The following MINDY3 variants were observed in gnomAD, a reference collection of about 807,000 sequenced individuals.
MINDY3 encodes the protein MINDY lysine 48 deubiquitinase 3, also known as ubiquitin carboxyl-terminal hydrolase MINDY-3.
A neutral mutation model predicts 69.2 loss-of-function variants in MINDY3; 38 were observed. The ratio of observed to expected loss-of-function variants is 0.55; its 90% CI spans 0.42 to 0.72. The LOEUF (loss-of-function observed/expected upper bound fraction) is 0.72. Among genes scored for constraint, MINDY3 ranks in the 30% least tolerant of loss-of-function variants. The probability of loss-of-function intolerance (pLI) is 0.00; values close to 1 mark genes in which losing one functional copy is unlikely to be tolerated. For synonymous variants in MINDY3, 192 were observed against 180.1 expected (o/e 1.07, Z -0.53); for missense variants, 522 against 519.0 (o/e 1.01, Z -0.06).
chr10:15,794,755 G>C (rs1453001501), intron 11 of MINDY3, among the ~76,000 whole-genome samples: 1 of 152,020 alleles, frequency 6.6e-6, no homozygotes, highest in Admixed American at 6.6e-5. Flanking sequence ...TACCTCATTA[G>C]TGATTACTAA....
chr10:15,838,688 G>C (rs1173966285), intron 4 of MINDY3, among the ~76,000 whole-genome samples: 1 of 151,530 alleles, frequency 6.6e-6, no homozygotes, highest in African/African-American at 2.4e-5. Context: ...TAGGTTTAAG[G>C]CTTAATTATT....
At position 15,796,157 on chromosome 10, in the gene MINDY3, C is replaced by T. The variant is rs750151830; in HGVS notation, c.898G>A (p.Ala300Thr). 1.9e-6 allele frequency: 3 copies of T among 1,612,386 alleles called. No individual in the cohort carries two copies. The highest frequency in any genetic ancestry group is 2.7e-5 in the African/African-American group (2 of 74,908). ...VFFAKDMALV[A>T]PEAPSEQARR... ...GCTTGTTCTGAAGGAGCTTCAGGGG[C>T]AACTAAAGCCATATCCTGAAAAGAT... The change falls in exon 11 of 15, where the codon GCC becomes ACC. Residue 300 changes from alanine to threonine, a missense_variant. Coordinates refer to ENST00000277632, the MANE Select transcript of MINDY3 (RefSeq NM_024948.4).
chr10:15,814,796 A>T (rs750495269), intron 10 of MINDY3, among the ~76,000 whole-genome samples: 9 of 152,096 alleles, frequency 5.9e-5, no homozygotes, highest in Non-Finnish European at 1.3e-4. Context: ...CAAAAGTATC[A>T]GGACAGGTAG....
intron 10 of MINDY3, among the ~76,000 whole-genome samples, chr10:15,802,727 C>A (rs1183347640): frequency 1.3e-5 from 2 of 152,030 alleles, no homozygotes; most frequent in Non-Finnish European, 2.9e-5. Flanking sequence ...AACATACAAC[C>A]CAGTGATACT....
Position 15,796,125 on chromosome 10 carries a change from T to A in MINDY3, c.930A>T (p.Arg310Ser), listed in dbSNP as rs1228634709. 6.2e-7 allele frequency: 1 copy of A among 1,612,814 alleles called. No individual in the cohort carries two copies. Among genetic ancestry groups the A allele is most frequent in the Non-Finnish European group, 8.5e-7 (1 of 1,179,112 alleles). ...CTTCTGGGTCGTAGGTTTGAAAAAC[T>A]CTTCTGGCTTGTTCTGAAGGAGCTT... is the stretch of plus-strand genomic sequence containing the variant. ...APEAPSEQAR[R>S]VFQTYDPEDN... is the part of the protein sequence containing the mutation. The change falls in exon 11 of 15, where the codon AGA becomes AGT. Residue 310 changes from arginine to serine, a missense_variant. By Grantham distance (110) the Arg-to-Ser change is moderately radical (BLOSUM62 -1). Transcript: ENST00000277632.
chr10:15,807,034 C>A (rs1337643178), intron 10 of MINDY3, among the ~76,000 whole-genome samples: 1 of 152,076 alleles, frequency 6.6e-6, no homozygotes, highest in African/African-American at 2.4e-5. Flanking sequence ...TAGTATCTAA[C>A]TTTGGAGATG....
intron 8 of MINDY3, among the ~76,000 whole-genome samples, chr10:15,825,441 C>T (rs1056762134): frequency 6.6e-6 from 1 of 152,142 alleles, no homozygotes; most frequent in Non-Finnish European, 1.5e-5. Flanking sequence ...AACTCCTGGC[C>T]TTAAGTGATC....
intron 8 of MINDY3, among the ~76,000 whole-genome samples, chr10:15,822,511 A>C (rs1042179984): frequency 8.5e-5 from 13 of 152,238 alleles, no homozygotes; most frequent in Admixed American, 5.9e-4. Flanking sequence ...AAATCGATGC[A>C]TTTAAGGAAT....
intron 11 of MINDY3, among the ~76,000 whole-genome samples, chr10:15,794,098 G>GAT (rs1837629024): frequency 6.6e-6 from 1 of 152,006 alleles, no homozygotes; most frequent in Admixed American, 6.6e-5. Context: ...GTGAGATAAA[G>GAT]ATATAAAAAT....
chr10:15,829,230 A>T (rs184979649), intron 8 of MINDY3, among the ~76,000 whole-genome samples: 1 of 152,118 alleles, frequency 6.6e-6, no homozygotes, highest in East Asian at 1.9e-4. Context: ...TAACATTTTA[A>T]TGGGGCCAGA....
At chr10:15,844,902 C>A (rs549417909) in intron 2 of MINDY3, among the ~76,000 whole-genome samples, 11 of 152,250 alleles carry the variant, frequency 7.2e-5, no homozygotes, top group African/African-American at 2.6e-4. Flanking sequence ...TGAGGGTGAG[C>A]ATCCTGATTA....
chr10:15,787,554 T>TAC (rs1161393013), intron 12 of MINDY3, among the ~76,000 whole-genome samples: 1 of 152,140 alleles, frequency 6.6e-6, no homozygotes, highest in Admixed American at 6.6e-5. Flanking sequence ...CTGGGTCAGT[T>TAC]ACCAGGTGTG....
At chr10:15,843,075 T>C (rs1193932167) in intron 3 of MINDY3, 137 bp downstream of exon 3, 13 of 709,494 alleles carry the variant, frequency 1.8e-5, no homozygotes, top group South Asian at 1.3e-4. Context: ...TCACTGTTCA[T>C]GAAACTTTCT....
intron 4 of MINDY3, 27 bp downstream of exon 4, chr10:15,841,399 A>C (rs754574158): frequency 6.2e-5 from 97 of 1,570,452 alleles, no homozygotes; most frequent in Non-Finnish European, 7.5e-5. Context: ...CAAGAAAAAA[A>C]CTTCAGGAAA....
At chr10:15,798,570 C>T (rs1295240134) in intron 10 of MINDY3, among the ~76,000 whole-genome samples, 2 of 151,328 alleles carry the variant, frequency 1.3e-5, no homozygotes. Flanking sequence ...GAGGTCAGGA[C>T]TTAGTTAGAG....
At chr10:15,839,241 G>T (rs941261556) in intron 4 of MINDY3, among the ~76,000 whole-genome samples, 1 of 151,632 alleles carries the variant, frequency 6.6e-6, no homozygotes, top group Admixed American at 6.6e-5. Context: ...AAGCCTAGTT[G>T]TGAGTGTTTC....
chr10:15,827,175 G>GGAA (rs1564502039), intron 8 of MINDY3, among the ~76,000 whole-genome samples: 3 of 23,670 alleles, frequency 1.3e-4, no homozygotes, highest in Admixed American at 4.9e-4. Flanking sequence ...TATAACAGGA[G>GGAA]TAAAAAAAAA....
intron 10 of MINDY3, among the ~76,000 whole-genome samples, chr10:15,797,685 A>C (rs1208284543): frequency 6.6e-6 from 1 of 152,138 alleles, no homozygotes. Context: ...GTATTTCTTA[A>C]AACCCTCTTT....
At chr10:15,830,657 A>C (rs994877336) in intron 8 of MINDY3, among the ~76,000 whole-genome samples, 1 of 152,218 alleles carries the variant, frequency 6.6e-6, no homozygotes, top group African/African-American at 2.4e-5. Flanking sequence ...TTTTAATCCA[A>C]AGATTTCTGT....
Sources: gnomAD v4.1 joint callset for allele counts (sites outside exome capture counted in the v4.1 genomes callset) on GRCh38, gnomAD v4.1.1 for gene constraint, MANE v1.5 for transcripts, NCBI Gene and HGNC (gene_info 2026-07-23, HGNC 2026-07-21) for gene names.